Variants in WWOX observed in about 807,000 individuals in gnomAD.
The protein encoded by WWOX is WW domain containing oxidoreductase, also known as WW domain-containing oxidoreductase.
In WWOX, 69 loss-of-function variants were observed where a neutral mutation model predicts 46.2. The ratio of observed to expected loss-of-function variants is 1.49; its 90% confidence interval spans 1.23 to 1.82. The LOEUF is 1.82. WWOX is among the 40% of genes most tolerant of loss of function. The probability of loss-of-function intolerance (pLI) is 0.00; values close to 1 mark genes in which losing one functional copy is unlikely to be tolerated. For synonymous variants in WWOX, 359 were observed against 202.6 expected (o/e 1.77, Z -6.56); for missense variants, 919 against 542.6 (o/e 1.69, Z -6.89).
rs1734962162 is a variant in WWOX, at chr16:78,350,161, C to G, written c.517-36699C>G. Among the ~76,000 whole-genome samples the G allele has an allele frequency of 1.6e-5, 2 of 121,328 alleles. 1 individual carries two copies. 79.6% of individuals were successfully genotyped at this position (121,328 alleles called of 152,430 possible). A position where few individuals can be genotyped will look rare whatever the true frequency, so the allele number is the denominator to read the frequency against. On this transcript the variant is annotated intron_variant, in intron 5 of 8. Transcript: ENST00000566780. ...GGTTTACCATACTTTTCTCAATCCACAATCTCATCAGAGTCCCAATAGTTG... is the reference window on the plus strand; with the variant it reads ...GGTTTACCATACTTTTCTCAATCCAGAATCTCATCAGAGTCCCAATAGTTG...
chr16:78,165,095 T>A (rs72804971), intron 5 of WWOX, among the ~76,000 whole-genome samples: 20,351 of 152,108 alleles, frequency 0.13, 1,561 homozygotes, highest in South Asian at 0.19. Context: ...TGGAGATGAA[T>A]GGAGTGGGTA....
chr16:78,994,056 C>T (rs566685881), intron 8 of WWOX, among the ~76,000 whole-genome samples: 1 of 152,192 alleles, frequency 6.6e-6, no homozygotes, highest in Non-Finnish European at 1.5e-5. Context: ...CTCTGCTTAG[C>T]CACTGAGGAT....
At chr16:78,696,409 C>T (rs2048100515) in intron 8 of WWOX, among the ~76,000 whole-genome samples, 1 of 152,096 alleles carries the variant, frequency 6.6e-6, no homozygotes, top group African/African-American at 2.4e-5. Flanking sequence ...GATTTTTTCA[C>T]CTTTGGGATG....
intron 8 of WWOX, among the ~76,000 whole-genome samples, chr16:79,002,589 T>G (rs67558905): frequency 1.3e-5 from 2 of 152,194 alleles, no homozygotes; most frequent in Admixed American, 6.5e-5. Context: ...TGATGATGAT[T>G]ACAGCAGATC....
intron 8 of WWOX, among the ~76,000 whole-genome samples, chr16:78,710,596 T>C (rs2048424582): frequency 6.8e-6 from 1 of 146,814 alleles, no homozygotes; most frequent in South Asian, 2.1e-4. Context: ...TATATATAAA[T>C]ATATACATAT....
intron 8 of WWOX, among the ~76,000 whole-genome samples, chr16:78,764,837 A>G (rs541521768): frequency 2.8e-4 from 42 of 152,162 alleles, no homozygotes; most frequent in African/African-American, 7.9e-4. Context: ...ATTGTTGCTC[A>G]TAGCAAAGGT....
At chr16:78,132,791 G>A (rs2033648856) in intron 4 of WWOX, among the ~76,000 whole-genome samples, 1 of 152,154 alleles carries the variant, frequency 6.6e-6, no homozygotes, top group Non-Finnish European at 1.5e-5. Flanking sequence ...TGATGGTGTA[G>A]CTGAGCTCTG....
chr16:78,399,078 GC>G (rs1471198686), intron 6 of WWOX, among the ~76,000 whole-genome samples: 1 of 151,344 alleles, frequency 6.6e-6, no homozygotes, highest in East Asian at 2.0e-4. Flanking sequence ...TGGCTGGCTG[GC>G]TAGATGGATG....
intron 6 of WWOX, among the ~76,000 whole-genome samples, chr16:78,398,888 C>T (rs1257906889): frequency 6.6e-6 from 1 of 152,192 alleles, no homozygotes; most frequent in Non-Finnish European, 1.5e-5. Context: ...TCATTGTCAT[C>T]GTCTTTATCA....
intron 5 of WWOX, among the ~76,000 whole-genome samples, chr16:78,242,880 C>T (rs754147756): frequency 3.9e-5 from 6 of 151,948 alleles, no homozygotes; most frequent in Admixed American, 6.6e-5. Context: ...TGGTGGTGTG[C>T]GCCTGTAATT....
At chr16:79,066,090 T>C (rs74339464) in intron 8 of WWOX, among the ~76,000 whole-genome samples, 4,058 of 152,022 alleles carry the variant, frequency 0.027, 210 homozygotes, top group African/African-American at 0.093. Flanking sequence ...TTCACACCTG[T>C]CTCCTGTCTC....
intron 8 of WWOX, among the ~76,000 whole-genome samples, chr16:78,567,362 C>T (rs1021913660): frequency 2.7e-5 from 4 of 150,612 alleles, no homozygotes; most frequent in Non-Finnish European, 5.9e-5. Flanking sequence ...TGGTTAACAC[C>T]GTAAAACCCC....
At chr16:79,194,954 C>G (rs1448855143) in intron 8 of WWOX, among the ~76,000 whole-genome samples, 1 of 152,140 alleles carries the variant, frequency 6.6e-6, no homozygotes, top group Admixed American at 6.5e-5. Context: ...TGAGTAGATG[C>G]TACTGCTAAT....
chr16:78,339,050 A>G (rs2080955076), intron 5 of WWOX, among the ~76,000 whole-genome samples: 1 of 120,190 alleles, frequency 8.3e-6, no homozygotes, highest in Non-Finnish European at 2.0e-5. Context: ...TTTCAATAAG[A>G]AGGAAATTTA....
chr16:78,996,340 G>A, intron 8 of WWOX: 1 of 980,960 alleles, frequency 1.0e-6, no homozygotes, highest in Non-Finnish European at 1.2e-6. Context: ...AGATAGAAAG[G>A]ATGAAATAGA....
intron 8 of WWOX, among the ~76,000 whole-genome samples, chr16:79,195,003 C>A (rs1290006426): frequency 6.6e-6 from 1 of 152,092 alleles, no homozygotes; most frequent in Non-Finnish European, 1.5e-5. Context: ...CTGTCTTCTG[C>A]TGAGTATGGA....
At position 78,811,159 on chromosome 16, in the gene WWOX, T is replaced by C. The variant is rs75966362; in HGVS notation, c.1056+378407T>C. On this transcript the variant is annotated intron_variant, in intron 8 of 8. Transcript: ENST00000566780. ...GTCTGAAGGGACTTTGGTAATTCAG[T>C]ATCCGAAAAACAATCAGTGTTTTGT... 1.4e-3 allele frequency among the ~76,000 whole-genome samples: 217 copies of C among 152,330 alleles called. 2 individuals carry two copies. Among genetic ancestry groups the C allele is most frequent in the African/African-American group, 5.0e-3 (209 of 41,582 alleles).
At chr16:78,823,853 A>G (rs1277592487) in intron 8 of WWOX, among the ~76,000 whole-genome samples, 1 of 151,462 alleles carries the variant, frequency 6.6e-6, no homozygotes, top group Non-Finnish European at 1.5e-5. Flanking sequence ...ATAGCTCACT[A>G]CAACCTCCAA....
At chr16:78,723,434 A>G (rs1432571141) in intron 8 of WWOX, among the ~76,000 whole-genome samples, 1 of 142,556 alleles carries the variant, frequency 7.0e-6, no homozygotes, top group African/African-American at 2.7e-5. Context: ...ATTATTATAA[A>G]TGAACTGAAG....
Sources: gnomAD v4.1 joint callset for allele counts (sites outside exome capture counted in the v4.1 genomes callset) on GRCh38, gnomAD v4.1.1 for gene constraint, MANE v1.5 for transcripts, NCBI Gene and HGNC (gene_info 2026-07-23, HGNC 2026-07-21) for gene names.